CNOT6: variants seen among roughly 807,000 people sequenced by gnomAD.
CNOT6 encodes the protein CCR4-NOT transcription complex subunit 6, also known as carbon catabolite repression 4 protein.
In CNOT6, 12 loss-of-function variants were observed where a neutral mutation model predicts 61.2. The observed-to-expected ratio is 0.20, with a 90% CI of 0.13 to 0.32. The LOEUF is 0.32. Ranked by LOEUF, CNOT6 falls within the 10% of genes least tolerant of loss-of-function variation. CNOT6 has a pLI of 1.00. For synonymous variants in CNOT6, 225 were observed against 240.6 expected (o/e 0.94, Z 0.60); for missense variants, 405 against 663.9 (o/e 0.61, Z 4.28).
At chr5:180,560,351 T>C (rs1760102975) in intron 4 of CNOT6, among the ~76,000 whole-genome samples, 1 of 152,196 alleles carries the variant, frequency 6.6e-6, no homozygotes, top group South Asian at 2.1e-4. Flanking sequence ...AAGTCCTTCT[T>C]TTATCATTTC....
chr5:180,514,016 G>A (rs1377320046), intron 1 of CNOT6, among the ~76,000 whole-genome samples: 2 of 150,186 alleles, frequency 1.3e-5, no homozygotes, highest in Non-Finnish European at 3.0e-5. Context: ...TTTATTTTTT[G>A]TAGAGATAGG....
chr5:180,567,993 T>A lies in CNOT6; in HGVS notation c.1017T>A (p.Ile339=). 6.2e-7 allele frequency: 1 copy of A among 1,606,236 alleles called. No homozygotes were observed. Among genetic ancestry groups the A allele is most frequent in the African/African-American group, 1.3e-5 (1 of 74,928 alleles). Residue 339 remains isoleucine, a synonymous_variant, in exon 9 of 12, where the codon ATT becomes ATA. Coordinates refer to ENST00000261951, the MANE Select transcript of CNOT6 (RefSeq NM_001370472.1). ...TGCTAGAACTTCGGAAGGAATCGAT[T>A]GAAATGCCGTGTGAGTGCCCTTCAC... ...AVLLELRKES[I]EMPSGKPHLG...
At chr5:180,513,683 TTA>T (rs780129834) in intron 1 of CNOT6, among the ~76,000 whole-genome samples, 1,648 of 81,944 alleles carry the variant, frequency 0.02, 18 homozygotes, top group Middle Eastern at 0.053. Flanking sequence ...TTTTATTTAT[TTA>T]TTTATTTATT....
At position 180,569,180 on chromosome 5, in the gene CNOT6, T is replaced by G. The variant is rs775316079; in HGVS notation, c.1098T>G (p.Pro366=). Residue 366 remains proline (P), a synonymous_variant, in exon 10 of 12, where the codon CCT becomes CCG. Transcript: ENST00000261951. The stretch of plus-strand genomic sequence containing the variant: ...CTAACGCCCACATGCATTGGGACCC[T>G]GAATACTCTGATGTGAAGTTGGTAC... The part of the protein sequence containing the change: ...LVANAHMHWD[P]EYSDVKLVQT... 1 of 1,614,210 alleles carries G rather than the reference T, an allele frequency of 6.2e-7. No individual in the cohort carries two copies. The highest frequency in any genetic ancestry group is 1.7e-5 in the Admixed American group (1 of 60,030).
chr5:180,562,213 TC>T (rs1163050711), intron 4 of CNOT6, among the ~76,000 whole-genome samples: 5 of 152,194 alleles, frequency 3.3e-5, no homozygotes, highest in Non-Finnish European at 7.3e-5. Context: ...TCTCCTTTTT[TC>T]AGAGTTTTGT....
At chr5:180,495,934 C>T (rs1029216005) in intron 1 of CNOT6, among the ~76,000 whole-genome samples, 2 of 152,156 alleles carry the variant, frequency 1.3e-5, no homozygotes, top group African/African-American at 4.8e-5. Flanking sequence ...GTTTTTGAGA[C>T]AGGATCTCAC....
In CNOT6 at chr5:180,497,935, C is replaced by T. The variant is rs146255024; in HGVS notation, c.-3+3172C>T. On this transcript the variant is annotated intron_variant, in intron 1 of 11. Transcript: ENST00000261951. ...GCACATGCCTGTAATCCCAGCTACT[C>T]GGGAGACTGAGGCAGGAGAATCGCT... is the stretch of plus-strand genomic sequence containing the variant. Among the ~76,000 whole-genome samples the T allele has an allele frequency of 4.2e-3, 635 of 151,560 alleles. 4 individuals are homozygous for T. The highest frequency in any genetic ancestry group is 0.014 in the African/African-American group (576 of 41,290).
intron 1 of CNOT6, among the ~76,000 whole-genome samples, chr5:180,529,014 G>T (rs1758222819): frequency 1.3e-5 from 2 of 152,008 alleles, no homozygotes; most frequent in African/African-American, 4.8e-5. Flanking sequence ...TTCAAGACCA[G>T]CCTGGCCAAT....
At chr5:180,516,503 A>T (rs1420252369) in intron 1 of CNOT6, among the ~76,000 whole-genome samples, 1 of 152,170 alleles carries the variant, frequency 6.6e-6, no homozygotes, top group Non-Finnish European at 1.5e-5. Flanking sequence ...AAAATTCAGG[A>T]TATTATCTTG....
At chr5:180,515,914 ATTTTCT>A (rs1200702346) in intron 1 of CNOT6, among the ~76,000 whole-genome samples, 1 of 152,000 alleles carries the variant, frequency 6.6e-6, no homozygotes, top group Admixed American at 6.6e-5. Context: ...AAAAAAAAAA[ATTTTCT>A]TTTTGAGATC....
rs72811146 is a variant in CNOT6, at chr5:180,502,386, A to C, written c.-3+7623A>C. 7.7e-3 allele frequency among the ~76,000 whole-genome samples: 1,172 copies of C among 152,304 alleles called. 10 individuals are homozygous for C. The highest frequency in any genetic ancestry group is 0.018 in the Admixed American group (276 of 15,290). On this transcript the variant is annotated intron_variant, in intron 1 of 11. Transcript: ENST00000261951. ...TACTAGAAGAAGAAGATTTGTCCTC[A>C]TTAGCGGTAGAGATTATCTGATGTA...
chr5:180,570,901 G>T (rs1760716829), intron 10 of CNOT6, among the ~76,000 whole-genome samples: 1 of 152,144 alleles, frequency 6.6e-6, no homozygotes. Context: ...TGATCGTGGT[G>T]TTATCTTTAA....
chr5:180,510,188 G>A (rs1177566582), intron 1 of CNOT6, among the ~76,000 whole-genome samples: 1 of 70,028 alleles, frequency 1.4e-5, no homozygotes, highest in Non-Finnish European at 2.6e-5. Flanking sequence ...GTGTTTTTCT[G>A]TGTTGCCCAG....
intron 2 of CNOT6, among the ~76,000 whole-genome samples, chr5:180,538,448 G>T (rs536043362): frequency 8.0e-5 from 12 of 150,798 alleles, no homozygotes; most frequent in Middle Eastern, 3.5e-3. Flanking sequence ...CACTTTGGGA[G>T]ACTAAGGGAG....
intron 10 of CNOT6, among the ~76,000 whole-genome samples, chr5:180,569,573 A>G (rs1203702994): frequency 2.6e-5 from 4 of 152,234 alleles, no homozygotes; most frequent in Non-Finnish European, 4.4e-5. Context: ...CATAAGCAAT[A>G]ACGTGAAATA....
intron 1 of CNOT6, among the ~76,000 whole-genome samples, chr5:180,513,681 A>ATTTATTTATTTATTTATT (rs1316585568): frequency 1.9e-4 from 15 of 76,978 alleles, no homozygotes; most frequent in Non-Finnish European, 4.6e-4. Flanking sequence ...CCTTTTATTT[A>ATTTATTTATTTATTTATT]TTTATTTATT....
At chr5:180,502,708 A>G (rs1021814552) in intron 1 of CNOT6, among the ~76,000 whole-genome samples, 2 of 152,190 alleles carry the variant, frequency 1.3e-5, no homozygotes, top group Non-Finnish European at 2.9e-5. Context: ...ATATAGTTTT[A>G]CTAGGCAGAT....
intron 1 of CNOT6, among the ~76,000 whole-genome samples, chr5:180,516,952 T>TC (rs1757663301): frequency 6.6e-6 from 1 of 152,166 alleles, no homozygotes; most frequent in African/African-American, 2.4e-5. Context: ...CTGCACCACA[T>TC]CAAGAGACCC....
chr5:180,534,295 T>G (rs1758557822), intron 2 of CNOT6: 1 of 175,490 alleles, frequency 5.7e-6, no homozygotes, highest in South Asian at 1.4e-4. Flanking sequence ...CCCTTAGCAA[T>G]TAGGCCCAGT....
Sources: gnomAD v4.1 joint callset for allele counts (sites outside exome capture counted in the v4.1 genomes callset) on GRCh38, gnomAD v4.1.1 for gene constraint, MANE v1.5 for transcripts, NCBI Gene and HGNC (gene_info 2026-07-23, HGNC 2026-07-21) for gene names.